Variants in PRSS38 observed in about 807,000 individuals in gnomAD.
PRSS38 encodes marapsin 2.
In PRSS38, 22 loss-of-function variants were observed where a neutral mutation model predicts 26.8. The ratio of observed to expected loss-of-function variants is 0.82; its 90% CI spans 0.59 to 1.17. The LOEUF (loss-of-function observed/expected upper bound fraction) is 1.17. Among genes scored for constraint, PRSS38 ranks in the 50% most tolerant of loss-of-function variants. The probability of loss-of-function intolerance (pLI) is 0.00; values close to 1 mark genes in which losing one functional copy is unlikely to be tolerated. For missense variants in PRSS38, 427 were observed against 422.7 expected, an observed-to-expected ratio of 1.01 and a Z score of -0.09; for synonymous variants, 175 against 172.1, an observed-to-expected ratio of 1.02 and a Z score of -0.13.
chr1:227,824,226 TC>T (rs1558233454), intron 3 of PRSS38, among the ~76,000 whole-genome samples: 1 of 151,936 alleles, frequency 6.6e-6, no homozygotes, highest in Non-Finnish European at 1.5e-5. Flanking sequence ...CCTCCCTCTA[TC>T]CCCCCAAACA....
Position 227,846,048 on chromosome 1 carries a change from AC to A in PRSS38, c.824del (p.Pro275LeufsTer18). On this transcript the variant is annotated frameshift_variant, in exon 5 of 5. Transcript: ENST00000366757. LOFTEE classifies it low-confidence loss of function (END_TRUNC). ...GGCCGAGGCTGCTCCAACCCTCTGT[AC>A]CCTGGAGTGTATGCCAGTGTTTCCT... The A allele has an allele frequency of 6.2e-7, 1 of 1,614,206 alleles. No individual in the cohort carries two copies. Among genetic ancestry groups the A allele is most frequent in the Non-Finnish European group, 8.5e-7 (1 of 1,180,024 alleles).
chr1:227,816,133 C>A lies in PRSS38; in HGVS notation c.192C>A (p.Val64=). The A allele has an allele frequency of 1.2e-6, 2 of 1,613,712 alleles. No individual in the cohort carries two copies. The highest frequency in any genetic ancestry group is 1.7e-6 in the Non-Finnish European group (2 of 1,179,906). Residue 64 remains valine (V), a synonymous_variant, in exon 2 of 5, where the codon GTC becomes GTA. Coordinates refer to ENST00000366757, the Ensembl canonical transcript of PRSS38. This position sits in a 1 kb window ranked among gnomAD's most constrained non-coding sequence, Gnocchi z 5.1. The stretch of plus-strand genomic sequence containing the variant: ...TGGAGGGGAAAATCCTGGGCGGCGT[C>A]CCTGCGCCCGAGAGGAAGTGGCCGT...
intron 3 of PRSS38, among the ~76,000 whole-genome samples, chr1:227,834,620 G>C (rs1381744751): frequency 6.6e-6 from 1 of 151,942 alleles, no homozygotes; most frequent in East Asian, 1.9e-4. Flanking sequence ...AGTGAGCCGA[G>C]ATTGCACCAC....
intron 1 of PRSS38, 52 bp downstream of exon 1, chr1:227,815,916 C>T (rs1371613070): frequency 1.7e-5 from 26 of 1,551,826 alleles, no homozygotes; most frequent in South Asian, 6.0e-5. Context: ...GCCCTTGGGG[C>T]GTCTGTCGGT....
intron 3 of PRSS38, among the ~76,000 whole-genome samples, chr1:227,818,596 T>C (rs80045078): frequency 0.12 from 18,106 of 147,424 alleles, 1,774 homozygotes; most frequent in African/African-American, 0.28. Flanking sequence ...AAAGATCTCT[T>C]GATCCCAGAA....
At position 227,827,595 on chromosome 1, in the gene PRSS38, C is replaced by T. The variant is rs1221348684; in HGVS notation, c.583+10115C>T. ...CTTCTCTCTTTTCTTCTTTATTAGT[C>T]TAGCTAGTGATCTATCTTATTAATT... On this transcript the variant is annotated intron_variant, in intron 3 of 4. Coordinates refer to ENST00000366757, the Ensembl canonical transcript of PRSS38. 2.6e-5 allele frequency among the ~76,000 whole-genome samples: 4 copies of T among 151,166 alleles called. No individual in the cohort carries two copies. In the East Asian group the frequency reaches 7.7e-4, roughly 29 times the overall value.
At chr1:227,832,965 T>A (rs375320658) in intron 3 of PRSS38, among the ~76,000 whole-genome samples, 1 of 152,184 alleles carries the variant, frequency 6.6e-6, no homozygotes, top group Non-Finnish European at 1.5e-5. Flanking sequence ...CCTATAATAA[T>A]GTATCCAAGG....
At chr1:227,844,625 CTATGTGTGGTGGGGCTCCTCCT>C (rs1167942993) in intron 3 of PRSS38, among the ~76,000 whole-genome samples, 14 of 148,014 alleles carry the variant, frequency 9.5e-5, no homozygotes, top group African/African-American at 2.3e-4. Flanking sequence ...GGGCTCCTCC[CTATGTGTGGTGGGGCTCCTCCT>C]TATGTGTGGT....
At chr1:227,838,064 A>G (rs1458265618) in intron 3 of PRSS38, among the ~76,000 whole-genome samples, 1 of 151,894 alleles carries the variant, frequency 6.6e-6, no homozygotes, top group East Asian at 1.9e-4. Flanking sequence ...CCAGCTTTTA[A>G]TTTCCTTAGT....
At chr1:227,815,698 G>C in exon 1 of PRSS38, 1 of 1,561,456 alleles carries the variant, frequency 6.4e-7, no homozygotes, top group Non-Finnish European at 8.7e-7. Flanking sequence ...CACCCGCTGG[G>C]GGCGCTGCCT....
intron 3 of PRSS38, among the ~76,000 whole-genome samples, chr1:227,840,178 G>A (rs1665315982): frequency 6.6e-6 from 1 of 152,170 alleles, no homozygotes; most frequent in Non-Finnish European, 1.5e-5. Context: ...CTAGAGTGCA[G>A]TGCGGTGATC....
At chr1:227,842,640 C>T (rs1339345875) in intron 3 of PRSS38, among the ~76,000 whole-genome samples, 4 of 151,316 alleles carry the variant, frequency 2.6e-5, no homozygotes, top group African/African-American at 4.9e-5. Flanking sequence ...AGTGCAATGG[C>T]GTGATCTCTG....
rs1313632176 is a variant in PRSS38 at position 227,845,613 on chromosome 1, G to A, written c.726+1G>A. 8 of 1,612,770 alleles carry A rather than the reference G, an allele frequency of 5.0e-6. No individual in the cohort carries two copies. The highest frequency in any genetic ancestry group is 6.8e-6 in the Non-Finnish European group (8 of 1,179,122). On this transcript the variant is annotated splice_donor_variant, in intron 4 of 4. Coordinates refer to ENST00000366757, the Ensembl canonical transcript of PRSS38. LOFTEE classifies it high-confidence loss of function. ...CCTGAATGCTAAGACCGTGTGTGAG[G>A]TGTGCCCCTCCTGGTCCATGAGACA...
chr1:227,815,980 C>T lies in PRSS38; in HGVS notation c.149-110C>T, dbSNP rs529623171. ...CCATCCCTTCCCCTCCCCCATGTCC[C>T]CTGCCTTCCCTTCCTCCTGTGTCCC... On this transcript the variant is annotated intron_variant, in intron 1 of 4. Transcript: ENST00000366757. 2,005 of 1,499,790 alleles carry T rather than the reference C, an allele frequency of 1.3e-3. 3 individuals carry two copies. Among genetic ancestry groups the T allele is most frequent in the Non-Finnish European group, 1.6e-3 (1,784 of 1,102,872 alleles). 92.9% of individuals were successfully genotyped at this position (1,499,790 alleles called of 1,614,324 possible).
intron 3 of PRSS38, among the ~76,000 whole-genome samples, chr1:227,843,048 C>T (rs945935326): frequency 2.0e-5 from 3 of 152,156 alleles, no homozygotes; most frequent in Non-Finnish European, 2.9e-5. Context: ...TAATGAGGAC[C>T]GGCCTTTATA....
At chr1:227,818,675 C>CAAAA (rs71180764) in intron 3 of PRSS38, among the ~76,000 whole-genome samples, 740 of 60,946 alleles carry the variant, frequency 0.012, 39 homozygotes, top group African/African-American at 0.038. Flanking sequence ...GACCTTCTCT[C>CAAAA]AAAAAAAAAA....
At chr1:227,840,197 C>G (rs1490444392) in intron 3 of PRSS38, among the ~76,000 whole-genome samples, 1 of 152,204 alleles carries the variant, frequency 6.6e-6, no homozygotes, top group East Asian at 1.9e-4. Context: ...TCATAGCTCA[C>G]TGAGGCCTCA....
chr1:227,837,311 T>A (rs1477393849), intron 3 of PRSS38, among the ~76,000 whole-genome samples: 1 of 152,262 alleles, frequency 6.6e-6, no homozygotes, highest in Non-Finnish European at 1.5e-5. Flanking sequence ...TTAGTAGTTT[T>A]TCCTTTTCTT....
chr1:227,831,997 A>ATTTATAATC (rs1411502726), intron 3 of PRSS38, among the ~76,000 whole-genome samples: 1 of 152,186 alleles, frequency 6.6e-6, no homozygotes, highest in Non-Finnish European at 1.5e-5. Flanking sequence ...GTGCATACAT[A>ATTTATAATC]TTTATAATCA....
Sources: gnomAD v4.1 joint callset for allele counts (sites outside exome capture counted in the v4.1 genomes callset) on GRCh38, gnomAD v4.1.1 for gene constraint, Gnocchi (gnomAD v3.1) non-coding constraint, MANE v1.5 for transcripts, NCBI Gene and HGNC (gene_info 2026-07-23, HGNC 2026-07-21) for gene names.